Variants in TASP1 observed in about 807,000 individuals in gnomAD.
The protein encoded by TASP1 is taspase 1.
Under a neutral mutation model 56.6 loss-of-function variants are expected in TASP1, and 16 were observed. That is an observed-to-expected ratio of 0.28 (90% CI 0.19 to 0.43). TASP1 has a LOEUF of 0.43. TASP1 is among the 20% of genes least tolerant of loss of function. TASP1 has a pLI of 1.00. For synonymous variants in TASP1, 179 were observed against 184.2 expected (o/e 0.97, Z 0.23); for missense variants, 393 against 511.6 (o/e 0.77, Z 2.24).
chr20:13,298,220 C>T, the TASP1 span, among the ~76,000 whole-genome samples: 2 of 152,216 alleles, frequency 1.3e-5, no homozygotes, highest in South Asian at 2.1e-4. Flanking sequence ...ATTCTCCTGC[C>T]TCAGCCTCCT....
At chr20:13,412,643 AG>A (rs1231795601) in intron 13 of TASP1, among the ~76,000 whole-genome samples, 1 of 152,182 alleles carries the variant, frequency 6.6e-6, no homozygotes, top group African/African-American at 2.4e-5. Context: ...AAAAGCACTC[AG>A]AAATCTCATC....
chr20:13,293,090 C>G, the TASP1 span, among the ~76,000 whole-genome samples: 1 of 151,780 alleles, frequency 6.6e-6, no homozygotes, highest in Non-Finnish European at 1.5e-5. Flanking sequence ...GTCCCAGCTA[C>G]TCGGGAGGCT....
chr20:13,354,456 C>T, the TASP1 span, among the ~76,000 whole-genome samples: 2 of 152,144 alleles, frequency 1.3e-5, no homozygotes, highest in Non-Finnish European at 2.9e-5. Flanking sequence ...ATTTCCATTG[C>T]GCTAGTCACA....
the TASP1 span, among the ~76,000 whole-genome samples, chr20:13,193,918 A>T: frequency 6.6e-6 from 1 of 152,210 alleles, no homozygotes; most frequent in South Asian, 2.1e-4. Flanking sequence ...TTTACATCTT[A>T]TTGGCCAGAA....
At chr20:13,515,786 T>C (rs530917665) in intron 10 of TASP1, among the ~76,000 whole-genome samples, 7 of 152,180 alleles carry the variant, frequency 4.6e-5, no homozygotes, top group African/African-American at 1.2e-4. Context: ...GTATCAGACA[T>C]ACTAAGTACC....
intron 9 of TASP1, among the ~76,000 whole-genome samples, chr20:13,532,095 T>C (rs1450035370): frequency 1.3e-5 from 2 of 152,042 alleles, no homozygotes; most frequent in African/African-American, 4.8e-5. Context: ...TCTACTTCTC[T>C]ATGGGGTTTT....
At chr20:13,378,948 T>C in the TASP1 span, among the ~76,000 whole-genome samples, 1 of 152,214 alleles carries the variant, frequency 6.6e-6, no homozygotes, top group Non-Finnish European at 1.5e-5. Flanking sequence ...TCCATCCCTT[T>C]ATTTTGAGCC....
At chr20:13,487,810 G>A (rs935364410) in intron 10 of TASP1, among the ~76,000 whole-genome samples, 2 of 152,078 alleles carry the variant, frequency 1.3e-5, no homozygotes, top group Non-Finnish European at 2.9e-5. Flanking sequence ...ATTTGTAAAA[G>A]GCCAAATAGT....
intron 4 of TASP1, among the ~76,000 whole-genome samples, chr20:13,590,107 C>T (rs1410167307): frequency 1.3e-5 from 2 of 152,096 alleles, no homozygotes; most frequent in Admixed American, 1.3e-4. Context: ...TGGTGGTCAT[C>T]TGTAATCGCA....
At chr20:13,247,505 A>G in the TASP1 span, among the ~76,000 whole-genome samples, 4 of 142,596 alleles carry the variant, frequency 2.8e-5, no homozygotes, top group Middle Eastern at 3.3e-3. Context: ...CATTTCTGGC[A>G]GCAAAGTGAG....
chr20:13,535,480 A>G (rs2045383188), intron 8 of TASP1, among the ~76,000 whole-genome samples: 1 of 152,202 alleles, frequency 6.6e-6, no homozygotes, highest in South Asian at 2.1e-4. Context: ...TTGATAGGAA[A>G]TGCTGAACTG....
At chr20:13,455,326 T>G (rs1023274564) in intron 11 of TASP1, among the ~76,000 whole-genome samples, 2 of 152,156 alleles carry the variant, frequency 1.3e-5, no homozygotes, top group Non-Finnish European at 2.9e-5. Flanking sequence ...CTGTGCATTA[T>G]GAAACTATGC....
intron 12 of TASP1, among the ~76,000 whole-genome samples, chr20:13,426,266 C>T (rs1301087601): frequency 6.6e-6 from 1 of 152,178 alleles, no homozygotes; most frequent in Non-Finnish European, 1.5e-5. Context: ...TTTATTCATT[C>T]AACCAACACA....
chr20:13,451,502 G>A (rs911650119), intron 11 of TASP1, among the ~76,000 whole-genome samples: 1 of 152,078 alleles, frequency 6.6e-6, no homozygotes, highest in Non-Finnish European at 1.5e-5. Context: ...ATAAGGACTT[G>A]TTGCTTCTTC....
chr20:13,499,202 C>T (rs1272130841), intron 10 of TASP1, among the ~76,000 whole-genome samples: 1 of 152,062 alleles, frequency 6.6e-6, no homozygotes, highest in African/African-American at 2.4e-5. Context: ...AGCAAACTAA[C>T]ACAAAAACAG....
the TASP1 span, among the ~76,000 whole-genome samples, chr20:13,359,669 T>C: frequency 0.02 from 2,964 of 146,318 alleles, 36 homozygotes; most frequent in African/African-American, 0.073. Context: ...ACTTAGACAA[T>C]ACTCTTTTAA....
At chr20:13,460,211 T>C (rs144788561) in intron 11 of TASP1, among the ~76,000 whole-genome samples, 1 of 152,160 alleles carries the variant, frequency 6.6e-6, no homozygotes, top group African/African-American at 2.4e-5. Flanking sequence ...CTCCTCTTAC[T>C]GCTCATCGGA....
chr20:13,331,363 T>G, the TASP1 span, among the ~76,000 whole-genome samples: 1 of 152,194 alleles, frequency 6.6e-6, no homozygotes, highest in Admixed American at 6.5e-5. Flanking sequence ...AAGACATAGC[T>G]CAAATTAATG....
chr20:13,125,853 G>A, the TASP1 span, among the ~76,000 whole-genome samples: 111 of 152,352 alleles, frequency 7.3e-4, 1 homozygote, highest in East Asian at 0.014. Flanking sequence ...GGCCAGCCCA[G>A]ATTAATCCGC....
Sources: allele counts gnomAD v4.1 joint callset (sites outside exome capture counted in the v4.1 genomes callset), GRCh38; gene constraint gnomAD v4.1.1; transcripts MANE v1.5; gene names NCBI Gene and HGNC (gene_info 2026-07-23, HGNC 2026-07-21).